The following ADGRL4 variants were observed in gnomAD, a reference collection of about 807,000 sequenced individuals.
The protein encoded by ADGRL4 is EGF, latrophilin and seven transmembrane domain containing 1.
A neutral mutation model predicts 74.8 loss-of-function variants in ADGRL4; 90 were observed. The observed-to-expected ratio is 1.20, with a 90% CI of 1.02 to 1.43. The LOEUF is 1.43. Ranked by LOEUF, ADGRL4 falls within the 40% of genes most tolerant of loss-of-function variation. The pLI, the probability that ADGRL4 is intolerant of heterozygous loss-of-function variation, is 0.00. For synonymous variants in ADGRL4, 311 were observed against 279.2 expected, an observed-to-expected ratio of 1.11 and a Z score of -1.14; for missense variants, 881 against 814.3, an observed-to-expected ratio of 1.08 and a Z score of -1.00.
intron 8 of ADGRL4, among the ~76,000 whole-genome samples, chr1:78,923,570 G>A (rs1649045246): frequency 6.6e-6 from 1 of 151,622 alleles, no homozygotes; most frequent in East Asian, 2.0e-4. Flanking sequence ...GCAAAGACAG[G>A]GAACCAAGAT....
At chr1:78,936,172 A>T in intron 7 of ADGRL4, 123 bp downstream of exon 7, 1 of 911,324 alleles carries the variant, frequency 1.1e-6, no homozygotes, top group Non-Finnish European at 1.6e-6. Flanking sequence ...TGTATACTGT[A>T]CATACATCAA....
chr1:78,906,086 A>AATT (rs1325092803), intron 12 of ADGRL4, among the ~76,000 whole-genome samples: 1 of 152,006 alleles, frequency 6.6e-6, no homozygotes, highest in Non-Finnish European at 1.5e-5. Flanking sequence ...CATCTAAAAG[A>AATT]AACTAAAGAT....
At chr1:78,970,462 C>A (rs1650146747) in intron 2 of ADGRL4, among the ~76,000 whole-genome samples, 1 of 152,136 alleles carries the variant, frequency 6.6e-6, no homozygotes, top group Admixed American at 6.5e-5. Flanking sequence ...TGGATAATTC[C>A]TATTCTCTAG....
chr1:78,948,032 C>G (rs977333075), intron 2 of ADGRL4, among the ~76,000 whole-genome samples: 1 of 152,096 alleles, frequency 6.6e-6, no homozygotes, highest in African/African-American at 2.4e-5. Flanking sequence ...TTATCTTTAA[C>G]TGATGAGAAA....
intron 12 of ADGRL4, among the ~76,000 whole-genome samples, chr1:78,902,502 G>C (rs1189642747): frequency 1.4e-5 from 2 of 147,078 alleles, no homozygotes; most frequent in African/African-American, 2.7e-5. Flanking sequence ...AATACAATTA[G>C]GGGGTAACAG....
At chr1:78,972,282 C>T (rs114316587) in intron 2 of ADGRL4, among the ~76,000 whole-genome samples, 29 of 152,150 alleles carry the variant, frequency 1.9e-4, no homozygotes, top group Middle Eastern at 3.4e-3. Context: ...GATTTTATGT[C>T]AGTATGAATG....
At chr1:78,923,907 T>G (rs764169793) in intron 8 of ADGRL4, among the ~76,000 whole-genome samples, 1 of 151,870 alleles carries the variant, frequency 6.6e-6, no homozygotes, top group African/African-American at 2.4e-5. Flanking sequence ...AGGGAGAGAT[T>G]ACCAAGAAAT....
chr1:78,902,440 T>C (rs1648539843), intron 12 of ADGRL4, among the ~76,000 whole-genome samples: 1 of 152,182 alleles, frequency 6.6e-6, no homozygotes, highest in African/African-American at 2.4e-5. Flanking sequence ...TTACATTTGT[T>C]TCACATTTAT....
Position 78,891,173 on chromosome 1 carries a change from C to A in ADGRL4, c.2054G>T (p.Cys685Phe). Residue 685 changes from cysteine (C) to phenylalanine (F), a missense_variant, in exon 15 of 15, where the codon TGT becomes TTT. Physicochemically the swap from Cys to Phe is radical, Grantham distance 205. Transcript: ENST00000370742. ...YYRLFKNVPCCFGCLR is the reference protein window; with the variant it reads ...YYRLFKNVPCFFGCLR ...CTATGTTTACCTTAAACATCCAAAA[C>A]AACAGGGGACATTTTTGAACAATCT... 6.2e-7 allele frequency: 1 copy of A among 1,611,124 alleles called. No homozygotes were observed. Among genetic ancestry groups the A allele is most frequent in the Non-Finnish European group, 8.5e-7 (1 of 1,178,260 alleles).
chr1:78,922,294 C>T lies in ADGRL4; in HGVS notation c.1084-508G>A, dbSNP rs144275584. ...TATGTCTAAGCAGGCACTTCGATGA[C>T]GTGAAGGGGGGTGTCCAACAGACTT... On this transcript the variant is annotated intron_variant, in intron 8 of 14. Coordinates refer to ENST00000370742, the MANE Select transcript of ADGRL4 (RefSeq NM_022159.4). Among the ~76,000 whole-genome samples the T allele has an allele frequency of 1.8e-3, 266 of 151,950 alleles. 1 individual carries two copies. The highest frequency in any genetic ancestry group is 3.5e-3 in the Non-Finnish European group (236 of 67,904).
At chr1:78,898,044 T>C (rs2100652417) in intron 12 of ADGRL4, among the ~76,000 whole-genome samples, 1 of 152,074 alleles carries the variant, frequency 6.6e-6, no homozygotes, top group East Asian at 1.9e-4. Context: ...TATGGAAAAA[T>C]ATCTTTGGGG....
chr1:78,982,586 A>G (rs1412590801), intron 2 of ADGRL4, among the ~76,000 whole-genome samples: 1 of 151,920 alleles, frequency 6.6e-6, no homozygotes, highest in Non-Finnish European at 1.5e-5. Flanking sequence ...AAGATTATTT[A>G]TAAGTTTTGA....
chr1:78,905,274 A>G (rs1648611692), intron 12 of ADGRL4, among the ~76,000 whole-genome samples: 1 of 152,102 alleles, frequency 6.6e-6, no homozygotes, highest in Non-Finnish European at 1.5e-5. Flanking sequence ...TAATTTGTAG[A>G]TCATAAACCT....
rs1283563685 is a variant in ADGRL4, at chr1:78,891,076, G to A, written c.*78C>T. ...AGTTAATAATTGGATAATTTGATGA[G>A]TCATTTTTATACATTGGTCATCCAC... On this transcript the variant is annotated 3_prime_UTR_variant, in exon 15 of 15. Transcript: ENST00000370742. 2 of 1,393,666 alleles carry A rather than the reference G, an allele frequency of 1.4e-6. No individual in the cohort carries two copies. The highest frequency in any genetic ancestry group is 1.4e-5 in the African/African-American group (1 of 70,744). The allele number at this position is 1,393,666 out of a possible 1,614,324, so 86.3% of individuals were successfully genotyped here.
chr1:78,980,701 C>T (rs1227021716), intron 2 of ADGRL4, among the ~76,000 whole-genome samples: 1 of 151,878 alleles, frequency 6.6e-6, no homozygotes, highest in East Asian at 1.9e-4. Context: ...CTCACAGAAT[C>T]GCAAGGCTGG....
chr1:78,917,568 G>A, intron 12 of ADGRL4, 66 bp downstream of exon 12: 2 of 1,039,464 alleles, frequency 1.9e-6, no homozygotes, highest in South Asian at 1.7e-5. Context: ...CCTTATTGCT[G>A]GAAATTTTAA....
chr1:78,988,650 C>G (rs1011468079), intron 2 of ADGRL4, among the ~76,000 whole-genome samples: 3 of 151,940 alleles, frequency 2.0e-5, no homozygotes, highest in South Asian at 2.1e-4. Flanking sequence ...TCCCTCTCAA[C>G]CAGTTTCTGT....
chr1:78,903,153 T>A (rs2100656560), intron 12 of ADGRL4, among the ~76,000 whole-genome samples: 1 of 152,328 alleles, frequency 6.6e-6, no homozygotes, highest in East Asian at 1.9e-4. Flanking sequence ...ATCTGAGCCA[T>A]TCTGAAGGCT....
At chr1:78,920,728 A>T (rs948508188) in intron 9 of ADGRL4, among the ~76,000 whole-genome samples, 2 of 151,892 alleles carry the variant, frequency 1.3e-5, no homozygotes, top group African/African-American at 4.8e-5. Flanking sequence ...AACATGGTTA[A>T]TTAAAACAGA....
Sources: gnomAD v4.1 joint callset for allele counts (sites outside exome capture counted in the v4.1 genomes callset) on GRCh38, gnomAD v4.1.1 for gene constraint, MANE v1.5 for transcripts, NCBI Gene and HGNC (gene_info 2026-07-23, HGNC 2026-07-21) for gene names.